The following MEOX2 variants were observed in gnomAD, a reference collection of about 807,000 sequenced individuals.
MEOX2 encodes the protein mesenchyme homeobox 2.
Under a neutral mutation model 27.0 loss-of-function variants are expected in MEOX2, and 11 were observed. The observed-to-expected ratio is 0.41, with a 90% CI of 0.26 to 0.68. The LOEUF (loss-of-function observed/expected upper bound fraction) is 0.68. Among genes scored for constraint, MEOX2 ranks in the 30% least tolerant of loss-of-function variants. The pLI is 0.33. For missense variants in MEOX2, 436 were observed against 385.4 expected, an observed-to-expected ratio of 1.13 and a Z score of -1.10; for synonymous variants, 189 against 155.4, an observed-to-expected ratio of 1.22 and a Z score of -1.61.
At chr7:15,617,417 A>G (rs1781140721) in intron 2 of MEOX2, among the ~76,000 whole-genome samples, 1 of 152,036 alleles carries the variant, frequency 6.6e-6, no homozygotes, top group African/African-American at 2.4e-5. Flanking sequence ...TATCTAGTAA[A>G]TCCAAAGACT....
chr7:15,624,954 A>G (rs1781276702), intron 2 of MEOX2, among the ~76,000 whole-genome samples: 1 of 152,198 alleles, frequency 6.6e-6, no homozygotes. Flanking sequence ...ACGTTTTCAA[A>G]CCAGATTTAC....
chr7:15,646,925 G>T (rs759869072), intron 1 of MEOX2, among the ~76,000 whole-genome samples: 1 of 151,796 alleles, frequency 6.6e-6, no homozygotes, highest in Non-Finnish European at 1.5e-5. Context: ...AAATATATTT[G>T]CTACATTAAA....
intron 1 of MEOX2, among the ~76,000 whole-genome samples, chr7:15,674,173 C>A (rs1476350849): frequency 2.0e-5 from 3 of 152,032 alleles, no homozygotes; most frequent in Non-Finnish European, 4.4e-5. Context: ...AATAATTCAA[C>A]ATTTGTATTT....
intron 2 of MEOX2, among the ~76,000 whole-genome samples, chr7:15,619,686 C>T (rs1422474194): frequency 6.6e-6 from 1 of 151,922 alleles, no homozygotes; most frequent in Non-Finnish European, 1.5e-5. Context: ...CTCCTTACCT[C>T]TAACTATACA....
At chr7:15,624,848 TA>T (rs1781274276) in intron 2 of MEOX2, among the ~76,000 whole-genome samples, 1 of 152,182 alleles carries the variant, frequency 6.6e-6, no homozygotes, top group Admixed American at 6.5e-5. Context: ...AAAACAACAT[TA>T]AAATAGTATG....
chr7:15,675,660 T>G (rs1782181595), intron 1 of MEOX2, among the ~76,000 whole-genome samples: 1 of 152,208 alleles, frequency 6.6e-6, no homozygotes, highest in Non-Finnish European at 1.5e-5. Context: ...GAGGCTCTTC[T>G]AGTGTCTTGA....
intron 1 of MEOX2, among the ~76,000 whole-genome samples, chr7:15,658,995 A>G (rs1310626875): frequency 6.6e-6 from 1 of 152,124 alleles, no homozygotes; most frequent in Non-Finnish European, 1.5e-5. Flanking sequence ...ATAATGTCCA[A>G]TGAGCCAGTA....
At chr7:15,682,864 A>G (rs1782314834) in intron 1 of MEOX2, among the ~76,000 whole-genome samples, 1 of 152,006 alleles carries the variant, frequency 6.6e-6, no homozygotes, top group African/African-American at 2.4e-5. Flanking sequence ...TGGCTTTGCT[A>G]ATAATGCTGG....
At chr7:15,677,644 T>G (rs1049983749) in intron 1 of MEOX2, 3 of 152,216 alleles carry the variant, frequency 2.0e-5, no homozygotes, top group African/African-American at 7.2e-5. Context: ...CTCATTGGAT[T>G]CTGGTAAGAG....
chr7:15,631,245 C>A lies in MEOX2; in HGVS notation c.518-4327G>T, dbSNP rs542369863. Among the ~76,000 whole-genome samples, 9 of 150,658 alleles carry A rather than the reference C, an allele frequency of 6.0e-5. No homozygotes were observed. The East Asian group carries it at 9.7e-4, about 16-fold the overall frequency. On this transcript the variant is annotated intron_variant, in intron 1 of 2. Transcript: ENST00000262041. Reference sequence around the variant, plus strand: ...TCTTCAAAATGCAAAAAAAAAAAATCATTGTACCTGCTGAGCAGTGATTAT... The same window carrying A: ...TCTTCAAAATGCAAAAAAAAAAAATAATTGTACCTGCTGAGCAGTGATTAT...
chr7:15,612,396 C>T lies in MEOX2; in HGVS notation c.906G>A (p.Ala302=), dbSNP rs777058351. Reference sequence around the variant, plus strand: ...TGGTCCTCTGTTTATATCATAAGTGCGCATGCTCTGAGCTGTGGTCACTGT... The same window carrying T: ...TGGTCCTCTGTTTATATCATAAGTGTGCATGCTCTGAGCTGTGGTCACTGT... ...SHDSDHSSEH[A]HL The change falls in exon 3 of 3, where the codon GCG becomes GCA. Residue 302 remains alanine, a synonymous_variant. Coordinates refer to ENST00000262041, the MANE Select transcript of MEOX2 (RefSeq NM_005924.5). 8.1e-6 allele frequency: 13 copies of T among 1,613,260 alleles called. No individual in the cohort carries two copies. Among genetic ancestry groups the T allele is most frequent in the South Asian group, 3.3e-5 (3 of 91,062 alleles).
In MEOX2 at chr7:15,685,889, A is replaced by T; in HGVS notation, c.514T>A (p.Ser172Thr). 3 of 1,596,184 alleles carry T rather than the reference A, an allele frequency of 1.9e-6. No homozygotes were observed. The change falls in exon 1 of 3, where the codon TCA (serine) becomes ACA (threonine). Residue 172 changes from serine (S) to threonine (T), a missense_variant. By Grantham distance (58) the Ser-to-Thr change is moderately conservative (BLOSUM62 1). Coordinates refer to ENST00000262041, the MANE Select transcript of MEOX2 (RefSeq NM_005924.5). ...AGGGTGCCTGGCGCGCCCTTACCTG[A>T]GCTGTCGCTTTTCCTCTTGCCGCCG... ...RSGGKRKSDS[S>T]DSQEGNYKSE...
At chr7:15,677,465 T>A (rs979239047) in intron 1 of MEOX2, 18 of 152,214 alleles carry the variant, frequency 1.2e-4, no homozygotes, top group African/African-American at 4.3e-4. Flanking sequence ...ACTCTTAGGG[T>A]TGCATCCACC....
intron 1 of MEOX2, among the ~76,000 whole-genome samples, chr7:15,629,643 C>A (rs1781370228): frequency 6.6e-6 from 1 of 152,068 alleles, no homozygotes; most frequent in South Asian, 2.1e-4. Context: ...TTGATTAATC[C>A]AGCCACTACT....
chr7:15,662,283 A>ATATT (rs1050348812), intron 1 of MEOX2, among the ~76,000 whole-genome samples: 108 of 152,118 alleles, frequency 7.1e-4, no homozygotes, highest in African/African-American at 2.5e-3. Context: ...CATACATAAT[A>ATATT]TATTTTCTTT....
chr7:15,675,615 C>T (rs779456985), intron 1 of MEOX2, among the ~76,000 whole-genome samples: 1 of 152,190 alleles, frequency 6.6e-6, no homozygotes, highest in Non-Finnish European at 1.5e-5. Flanking sequence ...ATTCCCTCAT[C>T]TAGGAAATAC....
intron 2 of MEOX2, among the ~76,000 whole-genome samples, chr7:15,621,392 T>G (rs1008011418): frequency 2.0e-5 from 3 of 152,208 alleles, no homozygotes; most frequent in Admixed American, 1.3e-4. Flanking sequence ...CTTTGCAGAA[T>G]GAGCCTCTTT....
At chr7:15,680,267 T>C (rs1484604979) in intron 1 of MEOX2, 1 of 151,898 alleles carries the variant, frequency 6.6e-6, no homozygotes, top group East Asian at 1.9e-4. Context: ...GATCAATAGA[T>C]ACATTATTGA....
intron 1 of MEOX2, among the ~76,000 whole-genome samples, chr7:15,683,646 A>G (rs1051368138): frequency 3.9e-5 from 6 of 152,266 alleles, no homozygotes; most frequent in Admixed American, 6.5e-5. Context: ...AATCTATCTC[A>G]ATATCTGACA....
Sources: gnomAD v4.1 joint callset for allele counts (sites outside exome capture counted in the v4.1 genomes callset) on GRCh38, gnomAD v4.1.1 for gene constraint, MANE v1.5 for transcripts, NCBI Gene and HGNC (gene_info 2026-07-23, HGNC 2026-07-21) for gene names.